Variants in MCM3AP observed in about 807,000 individuals in gnomAD.
MCM3AP encodes the protein germinal-center associated nuclear protein.
A neutral mutation model predicts 184.1 loss-of-function variants in MCM3AP; 126 were observed. The observed-to-expected ratio is 0.68, with a 90% CI of 0.59 to 0.79. MCM3AP has a LOEUF of 0.79. Ranked by LOEUF, MCM3AP falls within the 30% of genes least tolerant of loss-of-function variation. The pLI is 0.00. For missense variants in MCM3AP, 2,496 were observed against 2,479.2 expected, an observed-to-expected ratio of 1.01 and a Z score of -0.14; for synonymous variants, 1,002 against 979.3, an observed-to-expected ratio of 1.02 and a Z score of -0.43.
rs187637613 is a variant in MCM3AP at position 46,285,367 on chromosome 21, G to C, written c.-81C>G. The C allele has an allele frequency of 2.0e-4, 178 of 882,434 alleles. No individual in the cohort carries two copies. In the African/African-American group the frequency reaches 2.5e-3, roughly 12 times the overall value. 54.7% of individuals were successfully genotyped at this position (882,434 alleles called of 1,614,324 possible). A position where few individuals can be genotyped will look rare whatever the true frequency, so the allele number is the denominator to read the frequency against. ...CTTCCTGAAACAGCCTGTAGCACTA[G>C]GGAGTTCCCCTTCGTCTTTAGAACA... On this transcript the variant is annotated 5_prime_UTR_variant, in exon 1 of 28. Coordinates refer to ENST00000291688, the MANE Select transcript of MCM3AP (RefSeq NM_003906.5).
Position 46,283,903 on chromosome 21 carries a change from T to C in MCM3AP, c.1220-65A>G, listed in dbSNP as rs2081365430. 3 of 1,550,500 alleles carry C rather than the reference T, an allele frequency of 1.9e-6. No homozygotes were observed. In the Admixed American group the frequency reaches 5.4e-5, roughly 28 times the overall value. Reference sequence around the variant, plus strand: ...TTCCAACAACAGGAGGCACCAACTGTGTCGAAGCAGAGGAAATTTTCAGAT... The same window carrying C: ...TTCCAACAACAGGAGGCACCAACTGCGTCGAAGCAGAGGAAATTTTCAGAT... On this transcript the variant is annotated intron_variant, in intron 1 of 27. Transcript: ENST00000291688.
intron 9 of MCM3AP, chr21:46,270,146 T>A (rs963143334): frequency 2.9e-6 from 1 of 339,344 alleles, no homozygotes; most frequent in Non-Finnish European, 5.3e-6. Flanking sequence ...ATTCAACCTA[T>A]GTTTTCCCAA....
intron 20 of MCM3AP, chr21:46,247,280 C>T (rs1213152874): frequency 2.3e-5 from 4 of 175,474 alleles, no homozygotes; most frequent in Non-Finnish European, 4.9e-5. Context: ...TTAAAGAAAA[C>T]GTCAAATAAC....
Position 46,284,698 on chromosome 21 carries a change from C to G in MCM3AP, c.589G>C (p.Val197Leu), listed in dbSNP as rs147601190. Residue 197 changes from valine (V) to leucine (L), a missense_variant, in exon 1 of 28, where the codon GTA becomes CTA. Around this residue, in one of 5 missense-constraint regions of MCM3AP, gnomAD observed 800 missense variants for 717.1 expected, o/e 1.12. Transcript: ENST00000291688. The part of the protein sequence containing the change: ...GGLAPFSFPQ[V>L]TSSSATTSNF... ...GAAGTGGTAGCTGAACTACTTGTTA[C>G]TTGAGGAAAAGAGAAAGGGGCCAGG... 155 of 1,613,946 alleles carry G rather than the reference C, an allele frequency of 9.6e-5. 1 individual carries two copies. The Middle Eastern group carries it at 2.6e-3, about 27-fold the overall frequency.
At chr21:46,276,025 G>C (rs886644225) in intron 5 of MCM3AP, among the ~76,000 whole-genome samples, 1 of 152,160 alleles carries the variant, frequency 6.6e-6, no homozygotes, top group Non-Finnish European at 1.5e-5. Flanking sequence ...GCCAAGACTG[G>C]CAGATCACCT....
chr21:46,285,697 A>C (rs1197818724), upstream of MCM3AP: 1 of 165,186 alleles, frequency 6.1e-6, no homozygotes, highest in Non-Finnish European at 1.3e-5. Flanking sequence ...ATGCTGTTCC[A>C]CCTTACAACT....
Position 46,265,314 on chromosome 21 carries a change from T to A in MCM3AP, c.3234+7A>T. 6.2e-7 allele frequency: 1 copy of A among 1,612,204 alleles called. No homozygotes were observed. Among genetic ancestry groups the A allele is most frequent in the East Asian group, 2.2e-5 (1 of 44,776 alleles). On this transcript the variant is annotated splice_region_variant and intron_variant, in intron 12 of 27. Coordinates refer to ENST00000291688, the MANE Select transcript of MCM3AP (RefSeq NM_003906.5). ...AGAGTCCAGACCTAGAAAAAAAGAG[T>A]CCCTACCTCGTCAGAGTACATGGGC...
At chr21:46,283,910 G>T in intron 1 of MCM3AP, 72 bp from the exon 2 acceptor site, 2 of 1,550,234 alleles carry the variant, frequency 1.3e-6, no homozygotes, top group South Asian at 2.4e-5. Flanking sequence ...CTGTGTCGAA[G>T]CAGAGGAAAT....
intron 14 of MCM3AP, 128 bp downstream of exon 14, chr21:46,261,152 C>G: frequency 8.2e-7 from 1 of 1,221,164 alleles, no homozygotes. Flanking sequence ...CATAGGAGGG[C>G]ATGAGTGGGT....
intron 10 of MCM3AP, 60 bp downstream of exon 10, chr21:46,266,922 C>T (rs2081119492): frequency 1.9e-6 from 3 of 1,576,722 alleles, no homozygotes; most frequent in Non-Finnish European, 8.7e-7. Context: ...CACAGCCCTT[C>T]ATCAGAATTA....
rs559527039 is a variant in MCM3AP, at chr21:46,245,086, G to A, written c.4759C>T (p.Arg1587Cys). 1.5e-5 allele frequency: 24 copies of A among 1,614,194 alleles called. No homozygotes were observed. The highest frequency in any genetic ancestry group is 1.3e-4 in the East Asian group (6 of 44,886). ...EDGIGHEFSG[R>C]FFHDRRERRL... The stretch of plus-strand genomic sequence containing the variant: ...CTCTCTCTTCTGTCATGGAAAAAGC[G>A]GCCACTAAACTCATGGCCAATCCCG... The change falls in exon 23 of 28, where the codon CGC (arginine) becomes TGC (cysteine). Residue 1587 changes from arginine (R) to cysteine (C), a missense_variant. Physicochemically the swap from Arg to Cys is radical, Grantham distance 180. Transcript: ENST00000291688.
intron 13 of MCM3AP, 123 bp downstream of exon 13, chr21:46,263,994 T>C (rs1464206283): frequency 3.4e-6 from 2 of 584,722 alleles, no homozygotes; most frequent in Non-Finnish European, 6.1e-6. Flanking sequence ...ACACTGTATC[T>C]GGCAATAACT....
intron 4 of MCM3AP, among the ~76,000 whole-genome samples, chr21:46,278,580 C>T (rs1001833299): frequency 6.6e-6 from 1 of 152,204 alleles, no homozygotes; most frequent in African/African-American, 2.4e-5. Context: ...CACTTCACAT[C>T]ACATGCCGGT....
At chr21:46,272,896 C>CAT in intron 7 of MCM3AP, 67 bp from the exon 8 acceptor site, 1 of 1,414,774 alleles carries the variant, frequency 7.1e-7, no homozygotes, top group Non-Finnish European at 9.6e-7. Flanking sequence ...TGAGAAGGAT[C>CAT]ATGCTACGAC....
chr21:46,243,489 G>A lies in MCM3AP; in HGVS notation c.5272C>T (p.Pro1758Ser), dbSNP rs1032877538. ...CINHKLRDWT[P>S]PRLPVTSEAL... ...CCTGATGTAACAGGAAGCCGGGGGG[G>A]CGTCCAGTCTCTCAGCTTGTGGTTG... Residue 1758 changes from proline to serine, a missense_variant, in exon 24 of 28, where the codon CCC becomes TCC. Physicochemically the swap from Pro to Ser is moderately conservative, Grantham distance 74. Around this residue, in one of 5 missense-constraint regions of MCM3AP, gnomAD observed 1,323 missense variants for 1,273.4 expected, o/e 1.04. Transcript: ENST00000291688. 12 of 1,612,322 alleles carry A rather than the reference G, an allele frequency of 7.4e-6. No homozygotes were observed. The highest frequency in any genetic ancestry group is 4.5e-5 in the East Asian group (2 of 44,858).
At position 46,243,708 on chromosome 21, in the gene MCM3AP, C is replaced by A. The variant is rs775750935; in HGVS notation, c.5053G>T (p.Val1685Leu). 1 of 1,613,874 alleles carries A rather than the reference C, an allele frequency of 6.2e-7. No individual in the cohort carries two copies. Among genetic ancestry groups the A allele is most frequent in the Admixed American group, 1.7e-5 (1 of 60,002 alleles). ...LPPLGAPWLP[V>L]CSMVVQYASQ... ...GCGTACTGGACAACCATGGAGCACA[C>A]GGGGAGCCAGGGGGCTGGGGAGAAA... The change falls in exon 24 of 28, where the codon GTG (valine) becomes TTG (leucine). Residue 1685 changes from valine to leucine, a missense_variant. Physicochemically the swap from Val to Leu is conservative, Grantham distance 32. This residue lies in a region of MCM3AP where 1,323 missense variants were observed against 1,273.4 expected (regional missense o/e 1.04). Transcript: ENST00000291688.
intron 27 of MCM3AP, 50 bp from the exon 28 acceptor site, chr21:46,235,476 C>T (rs765741282): frequency 1.8e-5 from 27 of 1,500,532 alleles, no homozygotes; most frequent in African/African-American, 2.8e-5. Context: ...CAATAAACCA[C>T]GACCTATCTC....
chr21:46,241,113 A>G (rs2080656725), intron 25 of MCM3AP, 96 bp from the exon 26 acceptor site: 15 of 864,886 alleles, frequency 1.7e-5, no homozygotes, highest in South Asian at 1.7e-4. Context: ...GTGCATTAAC[A>G]TGTAAGAACA....
chr21:46,278,335 C>G (rs1202781491), intron 4 of MCM3AP, among the ~76,000 whole-genome samples: 2 of 152,166 alleles, frequency 1.3e-5, no homozygotes, highest in Admixed American at 6.5e-5. Flanking sequence ...TAAAAGGAAT[C>G]AGGCATTCTC....
Sources: allele counts gnomAD v4.1 joint callset (sites outside exome capture counted in the v4.1 genomes callset), GRCh38; gene constraint gnomAD v4.1.1; regional missense constraint gnomAD v4.1.1; transcripts MANE v1.5; gene names NCBI Gene and HGNC (gene_info 2026-07-23, HGNC 2026-07-21).